MATCAP2: variants seen among roughly 807,000 people sequenced by gnomAD.
The protein encoded by MATCAP2 is putative tyrosine carboxypeptidase MATCAP2.
chr7:36,376,502 T>C, the MATCAP2 span, among the ~76,000 whole-genome samples: 1 of 152,248 alleles, frequency 6.6e-6, no homozygotes, highest in East Asian at 1.9e-4. Flanking sequence ...AGGATTGCTT[T>C]ACTTCCAACT....
the MATCAP2 span, among the ~76,000 whole-genome samples, chr7:36,384,864 GA>G: frequency 9.5e-3 from 1,204 of 127,378 alleles, 4 homozygotes; most frequent in African/African-American, 0.014. Context: ...ATAGTGAAAA[GA>G]AAAAAAAAAA....
At chr7:36,367,250 G>T in the MATCAP2 span, 1 of 1,091,296 alleles carries the variant, frequency 9.2e-7, no homozygotes, top group Non-Finnish European at 1.1e-6. Context: ...CTGCCCCCGG[G>T]GTCCGCGCGC....
chr7:36,357,517 G>A, the MATCAP2 span: 2 of 1,614,018 alleles, frequency 1.2e-6, no homozygotes, highest in Non-Finnish European at 1.7e-6. Context: ...TTCTTTTGTT[G>A]TCAATGATCA....
At chr7:36,334,921 G>T in the MATCAP2 span, 1 of 845,596 alleles carries the variant, frequency 1.2e-6, no homozygotes, top group Non-Finnish European at 1.8e-6. Flanking sequence ...ATGACTTCTT[G>T]CTAAATTTTC....
At chr7:36,383,714 A>G in the MATCAP2 span, 1 of 524,360 alleles carries the variant, frequency 1.9e-6, no homozygotes, top group Non-Finnish European at 3.4e-6. Flanking sequence ...CCTAATATAG[A>G]TGACAGGTTG....
At chr7:36,354,244 G>A in the MATCAP2 span, among the ~76,000 whole-genome samples, 1 of 152,204 alleles carries the variant, frequency 6.6e-6, no homozygotes, top group Non-Finnish European at 1.5e-5. Flanking sequence ...TGGTCTGAGT[G>A]CCTCCCTAGG....
the MATCAP2 span, chr7:36,336,384 A>G: frequency 1.0e-6 from 1 of 996,420 alleles, no homozygotes; most frequent in Non-Finnish European, 1.4e-6. Context: ...ATTGTGACCT[A>G]TTCTAGGTTT....
chr7:36,385,145 T>G, the MATCAP2 span, among the ~76,000 whole-genome samples: 1 of 152,272 alleles, frequency 6.6e-6, no homozygotes, highest in African/African-American at 2.4e-5. Flanking sequence ...TTACAGATCT[T>G]TATGTAAGTT....
chr7:36,371,469 A>C, the MATCAP2 span, among the ~76,000 whole-genome samples: 1 of 152,236 alleles, frequency 6.6e-6, no homozygotes, highest in Non-Finnish European at 1.5e-5. Flanking sequence ...CTTACATAGT[A>C]GAACAGATGT....
the MATCAP2 span, chr7:36,335,017 A>C: frequency 6.3e-7 from 1 of 1,581,274 alleles, no homozygotes; most frequent in African/African-American, 1.4e-5. Context: ...TGATATTACA[A>C]ATAAACAAAT....
the MATCAP2 span, among the ~76,000 whole-genome samples, chr7:36,386,049 G>A: frequency 6.6e-6 from 1 of 151,884 alleles, no homozygotes; most frequent in East Asian, 1.9e-4. Flanking sequence ...CAGCTACTTG[G>A]GAGGCTGAGG....
chr7:36,331,646 T>G, the MATCAP2 span, among the ~76,000 whole-genome samples: 2 of 152,174 alleles, frequency 1.3e-5, no homozygotes, highest in African/African-American at 4.8e-5. Flanking sequence ...AGAACTAGAT[T>G]TTGGAGAGCA....
At chr7:36,335,910 A>G in the MATCAP2 span, among the ~76,000 whole-genome samples, 1 of 152,118 alleles carries the variant, frequency 6.6e-6, no homozygotes, top group Admixed American at 6.6e-5. Flanking sequence ...TGTCTCTACT[A>G]AAAATACAAA....
the MATCAP2 span, among the ~76,000 whole-genome samples, chr7:36,362,936 G>T: frequency 6.6e-6 from 1 of 152,166 alleles, no homozygotes; most frequent in East Asian, 1.9e-4. Context: ...TTGTATGACA[G>T]ACTTCGTCAA....
chr7:36,362,515 T>G, the MATCAP2 span, among the ~76,000 whole-genome samples: 1 of 152,326 alleles, frequency 6.6e-6, no homozygotes, highest in South Asian at 2.1e-4. Flanking sequence ...AGAGTGAGCA[T>G]TATACATCAT....
the MATCAP2 span, among the ~76,000 whole-genome samples, chr7:36,365,232 T>C: frequency 6.6e-6 from 1 of 152,224 alleles, no homozygotes; most frequent in South Asian, 2.1e-4. Flanking sequence ...GATTTCTCAA[T>C]GAAATAATGT....
At chr7:36,370,982 C>T in the MATCAP2 span, among the ~76,000 whole-genome samples, 1 of 152,108 alleles carries the variant, frequency 6.6e-6, no homozygotes, top group South Asian at 2.1e-4. Flanking sequence ...TAATGAATAT[C>T]TGTAAGGATG....
chr7:36,357,610 C>T, the MATCAP2 span: 1 of 1,546,882 alleles, frequency 6.5e-7, no homozygotes. Context: ...TAAACAAAAT[C>T]AAAACAAAAG....
At chr7:36,342,626 T>A in the MATCAP2 span, among the ~76,000 whole-genome samples, 2 of 152,020 alleles carry the variant, frequency 1.3e-5, no homozygotes, top group African/African-American at 4.8e-5. Flanking sequence ...AGATGAGTAA[T>A]TTTTTTGTTT....
Sources: allele counts gnomAD v4.1 joint callset (sites outside exome capture counted in the v4.1 genomes callset), GRCh38; gene constraint gnomAD v4.1.1; transcripts MANE v1.5; gene names NCBI Gene and HGNC (gene_info 2026-07-23, HGNC 2026-07-21).